The following CLNK variants were observed in gnomAD, a reference collection of about 807,000 sequenced individuals.
CLNK encodes cytokine dependent hematopoietic cell linker, also known as cytokine-dependent hematopoietic cell linker.
In CLNK, 74 loss-of-function variants were observed where a neutral mutation model predicts 68.6. The ratio of observed to expected loss-of-function variants is 1.08; its 90% CI spans 0.89 to 1.31. The LOEUF is 1.31. Among genes scored for constraint, CLNK ranks in the 50% most tolerant of loss-of-function variants. The pLI, the probability that CLNK is intolerant of heterozygous loss-of-function variation, is 0.00. For missense variants in CLNK, 553 were observed against 515.3 expected (o/e 1.07, Z -0.71); for synonymous variants, 198 against 172.2 (o/e 1.15, Z -1.17).
chr4:10,704,244 T>C, the CLNK span, among the ~76,000 whole-genome samples: 1 of 152,146 alleles, frequency 6.6e-6, no homozygotes, highest in South Asian at 2.1e-4. Flanking sequence ...TCATGTCAAA[T>C]AGTGGTTTCC....
At chr4:10,651,481 A>T (rs1187578565) in intron 2 of CLNK, among the ~76,000 whole-genome samples, 1 of 152,228 alleles carries the variant, frequency 6.6e-6, no homozygotes, top group African/African-American at 2.4e-5. Context: ...TCTCACTCAT[A>T]AGTGGGAATT....
chr4:10,490,717 A>C, intron 18 of CLNK, 104 bp from the exon 19 acceptor site: 1 of 871,896 alleles, frequency 1.1e-6, no homozygotes, highest in South Asian at 1.9e-5. Flanking sequence ...GAGGTGAACC[A>C]ATTTAACAAT....
At chr4:10,605,117 A>G (rs1050976248) in intron 2 of CLNK, among the ~76,000 whole-genome samples, 2 of 152,164 alleles carry the variant, frequency 1.3e-5, no homozygotes, top group African/African-American at 4.8e-5. Flanking sequence ...TAGTTTTAAG[A>G]CTACAACATC....
At chr4:10,531,590 C>A (rs567726168) in intron 12 of CLNK, 4 of 361,238 alleles carry the variant, frequency 1.1e-5, no homozygotes, top group Non-Finnish European at 2.2e-5. Flanking sequence ...TACAGGCATG[C>A]GCCACCACAC....
chr4:10,673,696 T>C (rs1366794617), intron 1 of CLNK, among the ~76,000 whole-genome samples: 2 of 151,686 alleles, frequency 1.3e-5, no homozygotes, highest in Admixed American at 6.6e-5. Flanking sequence ...GGAGTGATAG[T>C]ATTAGGAGAA....
At chr4:10,617,940 G>A (rs565949163) in intron 2 of CLNK, among the ~76,000 whole-genome samples, 1 of 152,202 alleles carries the variant, frequency 6.6e-6, no homozygotes, top group African/African-American at 2.4e-5. Context: ...GAGCAAAGAG[G>A]AAATGAGCTT....
At chr4:10,698,569 T>A in the CLNK span, among the ~76,000 whole-genome samples, 4 of 152,358 alleles carry the variant, frequency 2.6e-5, no homozygotes, top group Non-Finnish European at 5.9e-5. Flanking sequence ...CAGATCCACC[T>A]GTCCCTTCTG....
At chr4:10,602,031 G>A (rs1340284553) in intron 2 of CLNK, among the ~76,000 whole-genome samples, 7 of 152,084 alleles carry the variant, frequency 4.6e-5, no homozygotes, top group Non-Finnish European at 8.8e-5. Context: ...AGAGCACATC[G>A]CCCCACACAC....
intron 2 of CLNK, among the ~76,000 whole-genome samples, chr4:10,625,233 G>A (rs1432299834): frequency 6.6e-6 from 1 of 152,206 alleles, no homozygotes; most frequent in African/African-American, 2.4e-5. Flanking sequence ...GCCTTGCTGT[G>A]ACAGGGAAAC....
chr4:10,610,459 A>G (rs970899743), intron 2 of CLNK, among the ~76,000 whole-genome samples: 7 of 152,080 alleles, frequency 4.6e-5, no homozygotes, highest in African/African-American at 1.7e-4. Context: ...CCAGGTTTCC[A>G]GAAAACCCAT....
chr4:10,553,512 C>T (rs1488714885), intron 8 of CLNK, among the ~76,000 whole-genome samples: 3 of 151,744 alleles, frequency 2.0e-5, no homozygotes, highest in Non-Finnish European at 2.9e-5. Flanking sequence ...AGTGCAGTGG[C>T]GCAATCTTGG....
chr4:10,658,554 C>T (rs1233401802), intron 2 of CLNK, among the ~76,000 whole-genome samples: 1 of 152,210 alleles, frequency 6.6e-6, no homozygotes, highest in East Asian at 1.9e-4. Flanking sequence ...CAGACTGGAT[C>T]CCTGGTTCTC....
the CLNK span, among the ~76,000 whole-genome samples, chr4:10,709,290 T>G: frequency 6.6e-6 from 1 of 152,192 alleles, no homozygotes; most frequent in Admixed American, 6.5e-5. Context: ...ACCCAATAAC[T>G]ATCCTTTTCA....
chr4:10,530,899 T>G (rs1252865422), intron 12 of CLNK, among the ~76,000 whole-genome samples: 1 of 152,166 alleles, frequency 6.6e-6, no homozygotes, highest in Non-Finnish European at 1.5e-5. Flanking sequence ...ATGAGCCTGG[T>G]GAAGTCCTCA....
chr4:10,596,160 G>A lies in CLNK; in HGVS notation c.83+1818C>T, dbSNP rs942410987. On this transcript the variant is annotated intron_variant, in intron 3 of 18. Transcript: ENST00000226951. Reference sequence around the variant, plus strand: ...CCTGCCTCAGCCTCCCAAGTAGCTCGGATTACAGGCATGCACCACCACATC... The same window carrying A: ...CCTGCCTCAGCCTCCCAAGTAGCTCAGATTACAGGCATGCACCACCACATC... Among the ~76,000 whole-genome samples, 27 of 152,138 alleles carry A rather than the reference G, an allele frequency of 1.8e-4. 1 individual carries two copies. Among genetic ancestry groups the A allele is most frequent in the Admixed American group, 1.3e-3 (20 of 15,276 alleles).
chr4:10,659,733 A>G (rs1258863443), intron 2 of CLNK, among the ~76,000 whole-genome samples: 1 of 152,104 alleles, frequency 6.6e-6, no homozygotes, highest in Non-Finnish European at 1.5e-5. Flanking sequence ...TTGTGACCTG[A>G]TCTCTCTTTA....
chr4:10,688,484 T>A (rs138686360), upstream of CLNK, among the ~76,000 whole-genome samples: 41 of 152,278 alleles, frequency 2.7e-4, no homozygotes, highest in South Asian at 7.3e-3. Context: ...TTTTCCTGGT[T>A]CTTGCATGGC....
intron 2 of CLNK, among the ~76,000 whole-genome samples, chr4:10,650,084 A>C (rs527816499): frequency 1.6e-4 from 25 of 152,314 alleles, no homozygotes; most frequent in African/African-American, 4.6e-4. Flanking sequence ...AAAATGAGAC[A>C]TAAAAATGAT....
At chr4:10,664,780 G>C (rs1312033099) in intron 2 of CLNK, among the ~76,000 whole-genome samples, 1 of 152,220 alleles carries the variant, frequency 6.6e-6, no homozygotes, top group Non-Finnish European at 1.5e-5. Context: ...GGACACCCTG[G>C]ACAGGAAACC....
Sources: allele counts gnomAD v4.1 joint callset (sites outside exome capture counted in the v4.1 genomes callset), GRCh38; gene constraint gnomAD v4.1.1; transcripts MANE v1.5; gene names NCBI Gene and HGNC (gene_info 2026-07-23, HGNC 2026-07-21).